PRR29: variants seen among roughly 807,000 people sequenced by gnomAD.
PRR29 encodes the protein proline-rich protein 29.
A neutral mutation model predicts 25.1 loss-of-function variants in PRR29; 20 were observed. The ratio of observed to expected loss-of-function variants is 0.80; its 90% confidence interval spans 0.56 to 1.16. The LOEUF (loss-of-function observed/expected upper bound fraction) is 1.16, where lower values mean the gene tolerates loss of function less well. PRR29 is among the 50% of genes most tolerant of loss of function. The pLI, the probability that PRR29 is intolerant of heterozygous loss-of-function variation, is 0.00. For missense variants in PRR29, 238 were observed against 246.6 expected, an observed-to-expected ratio of 0.97 and a Z score of 0.23; for synonymous variants, 108 against 102.6, an observed-to-expected ratio of 1.05 and a Z score of -0.32.
At chr17:63,999,533 G>A (rs1910431555) in intron 3 of PRR29, 2 of 176,098 alleles carry the variant, frequency 1.1e-5, no homozygotes, top group South Asian at 2.3e-4. Flanking sequence ...ATAGGGTTGG[G>A]GGATGGGGAC....
chr17:64,002,013 G>A lies in PRR29; in HGVS notation c.*252G>A, dbSNP rs905860469. The A allele has an allele frequency of 7.7e-5, 117 of 1,526,882 alleles. No homozygotes were observed. Among genetic ancestry groups the A allele is most frequent in the Non-Finnish European group, 8.9e-5 (102 of 1,140,672 alleles). 94.6% of individuals were successfully genotyped at this position (1,526,882 alleles called of 1,614,324 possible). A position where few individuals can be genotyped will look rare whatever the true frequency, so the allele number is the denominator to read the frequency against. On this transcript the variant is annotated 3_prime_UTR_variant, in exon 6 of 6. Transcript: ENST00000412177. ...GCACCACCCAGGCCCTTGAAGCCAC[G>A]TCAGCCCGCCTCTGCCCCACTGCTT...
chr17:63,998,796 G>GGGCCCCCCCCCCC lies in PRR29; in HGVS notation c.136+14_136+15insGGCCCCCCCCCCC. On this transcript the variant is annotated intron_variant, in intron 2 of 5. Coordinates refer to ENST00000412177, the MANE Select transcript of PRR29 (RefSeq NM_001164257.2). ...GCGTGAAGGAAGGTGAGACTCCCGGGTCCCCCCACCCCACCCCCACCATCA... is the reference window on the plus strand; with the variant it reads ...GCGTGAAGGAAGGTGAGACTCCCGGGGGCCCCCCCCCCCTCCCCCCACCCCACCCCCACCATCA... The GGGCCCCCCCCCCC allele has an allele frequency of 7.4e-7, 1 of 1,345,624 alleles. No homozygotes were observed. Among genetic ancestry groups the GGGCCCCCCCCCCC allele is most frequent in the Non-Finnish European group, 1.0e-6 (1 of 975,994 alleles). 83.4% of individuals were successfully genotyped at this position (1,345,624 alleles called of 1,614,324 possible). A position where few individuals can be genotyped will look rare whatever the true frequency, so the allele number is the denominator to read the frequency against.
At chr17:64,001,439 G>T (rs1347121952) in intron 4 of PRR29, 28 bp from the exon 5 acceptor site, 1 of 1,499,426 alleles carries the variant, frequency 6.7e-7, no homozygotes, top group Non-Finnish European at 8.9e-7. Flanking sequence ...GGCCTCTGAT[G>T]GGGGTCTTTT....
intron 3 of PRR29, 75 bp downstream of exon 3, chr17:63,999,149 G>A (rs3181027): frequency 4.3e-6 from 5 of 1,154,020 alleles, no homozygotes; most frequent in Non-Finnish European, 5.0e-6. Context: ...TTCCTGTTCA[G>A]GGGGGAAAAG....
rs776325283 is a variant in PRR29, at chr17:64,002,696, C to A, written c.*935C>A. ...GGGCTGGACCTCAACCCTGAGGAGT[C>A]ACACTGAGTTCCAGTGACCACCGTG... On this transcript the variant is annotated 3_prime_UTR_variant, in exon 6 of 6. Transcript: ENST00000412177. 1.9e-6 allele frequency: 3 copies of A among 1,541,440 alleles called. No homozygotes were observed. Among genetic ancestry groups the A allele is most frequent in the Non-Finnish European group, 1.8e-6 (2 of 1,128,038 alleles).
rs1266147224 is a variant in PRR29, at chr17:64,000,043, GGCGGAGAGGGGTTCAAGGAATCCA to G, written c.243+971_243+994del. The G allele has an allele frequency of 1.3e-5, 2 of 152,608 alleles. 1 individual carries two copies. Among genetic ancestry groups the G allele is most frequent in the African/African-American group, 4.8e-5 (2 of 41,460 alleles). 9.5% of individuals were successfully genotyped at this position (152,608 alleles called of 1,614,324 possible). On this transcript the variant is annotated intron_variant, in intron 3 of 5. Transcript: ENST00000412177. ...AGAGAATGTTGTTCAGCTCGGAGGA[GGCGGAGAGGGGTTCAAGGAATCCA>G]GACAGAAGGAGACCCTGAGGAGCTA...
chr17:64,004,019 C>T lies in PRR29; in HGVS notation c.*2258C>T. On this transcript the variant is annotated 3_prime_UTR_variant, in exon 6 of 6. Transcript: ENST00000412177. ...CAGGATGGGGGTGCAGTCCCAGCAG[C>T]CTCCCCCTGGCCAGGGCCATCTCCT... The T allele has an allele frequency of 7.3e-7, 1 of 1,373,968 alleles. No individual in the cohort carries two copies. The highest frequency in any genetic ancestry group is 9.9e-7 in the Non-Finnish European group (1 of 1,007,792). The allele number at this position is 1,373,968 out of a possible 1,614,324, so 85.1% of individuals were successfully genotyped here. A position where few individuals can be genotyped will look rare whatever the true frequency, so the allele number is the denominator to read the frequency against.
Position 64,002,081 on chromosome 17 carries a change from C to A in PRR29, c.*320C>A. On this transcript the variant is annotated 3_prime_UTR_variant, in exon 6 of 6. Coordinates refer to ENST00000412177, the MANE Select transcript of PRR29 (RefSeq NM_001164257.2). ...GAGGCCTGGGAACAGAGCCCCCACC[C>A]TCTCTCCCTCACCCCTCTCTCTGGG... 8.0e-7 allele frequency: 1 copy of A among 1,254,056 alleles called. No individual in the cohort carries two copies. The highest frequency in any genetic ancestry group is 1.4e-5 in the South Asian group (1 of 69,826). The allele number at this position is 1,254,056 out of a possible 1,614,324, so 77.7% of individuals were successfully genotyped here.
chr17:64,003,944 G>A lies in PRR29; in HGVS notation c.*2183G>A. ...GCCACCAAAGTGGGTTGCAGTGTCA[G>A]GATGACCTGCCTTGGAGGCTCTGCA... On this transcript the variant is annotated 3_prime_UTR_variant, in exon 6 of 6. Transcript: ENST00000412177. 6.2e-7 allele frequency: 1 copy of A among 1,613,158 alleles called. No individual in the cohort carries two copies. The highest frequency in any genetic ancestry group is 2.2e-5 in the East Asian group (1 of 44,844).
chr17:63,998,804 AC>A, intron 2 of PRR29, 22 bp downstream of exon 2: 2 of 452,748 alleles, frequency 4.4e-6, no homozygotes, highest in Non-Finnish European at 6.6e-6. Flanking sequence ...GGGTCCCCCC[AC>A]CCCACCCCCA....
At position 64,001,986 on chromosome 17, in the gene PRR29, G is replaced by C. The variant is rs1166408900; in HGVS notation, c.*225G>C. ...TGTGCTGTTGTGTAAGAGCTCCCTA[G>C]AGCACCACCCAGGCCCTTGAAGCCA... On this transcript the variant is annotated 3_prime_UTR_variant, in exon 6 of 6. Transcript: ENST00000412177. The C allele has an allele frequency of 6.5e-7, 1 of 1,534,344 alleles. No homozygotes were observed. The highest frequency in any genetic ancestry group is 2.4e-5 in the East Asian group (1 of 40,848).
Position 64,003,795 on chromosome 17 carries a change from A to G in PRR29, c.*2034A>G. ...ATGTGGCTGTGGCCTCCTGCGGAGCAGGGGCTGCCTTCCCGAAGGTCTCAT... is the reference window on the plus strand; with the variant it reads ...ATGTGGCTGTGGCCTCCTGCGGAGCGGGGGCTGCCTTCCCGAAGGTCTCAT... On this transcript the variant is annotated 3_prime_UTR_variant, in exon 6 of 6. Transcript: ENST00000412177. 1.2e-6 allele frequency: 2 copies of G among 1,614,258 alleles called. No individual in the cohort carries two copies. Among genetic ancestry groups the G allele is most frequent in the South Asian group, 1.1e-5 (1 of 91,092 alleles).
chr17:64,001,289 C>T lies in PRR29; in HGVS notation c.449C>T (p.Pro150Leu). Residue 150 changes from proline (P) to leucine (L), a missense_variant, in exon 4 of 6, where the codon CCT becomes CTT. Physicochemically the swap from Pro to Leu is moderately conservative, Grantham distance 98 (BLOSUM62 -3). Transcript: ENST00000412177. ...LQDVPRIQHCPASREREVRAV... is the reference protein window; with the variant it reads ...LQDVPRIQHCLASREREVRAV... ...GACGTGCCCAGGATTCAGCACTGTC[C>T]TGCCTCCAGGGAAAGGGAGGTGTAA... 6.5e-7 allele frequency: 1 copy of T among 1,536,434 alleles called. No homozygotes were observed. Among genetic ancestry groups the T allele is most frequent in the Non-Finnish European group, 8.7e-7 (1 of 1,146,254 alleles).
Position 64,001,810 on chromosome 17 carries a change from A to T in PRR29, c.*49A>T. The T allele has an allele frequency of 6.5e-7, 1 of 1,537,004 alleles. No individual in the cohort carries two copies. The highest frequency in any genetic ancestry group is 8.7e-7 in the Non-Finnish European group (1 of 1,146,844). ...TGCACCAGCTTCCTGCTCTGGATAC[A>T]GCCCCGGAGCCGCCTCCTGCACCTC... On this transcript the variant is annotated 3_prime_UTR_variant, in exon 6 of 6. Coordinates refer to ENST00000412177, the MANE Select transcript of PRR29 (RefSeq NM_001164257.2).
chr17:64,001,080 C>T lies in PRR29; in HGVS notation c.244-4C>T, dbSNP rs1344137652. On this transcript the variant is annotated splice_polypyrimidine_tract_variant and splice_region_variant and intron_variant, in intron 3 of 5. Transcript: ENST00000412177. ...TTCCCCTCCCTGTTTTGCACAATCC[C>T]CAGGTCTACCTGGAGGTTCCACAGG... 2.6e-6 allele frequency: 4 copies of T among 1,536,796 alleles called. No homozygotes were observed. In the African/African-American group the frequency reaches 4.1e-5, roughly 16 times the overall value.
rs1910934730 is a variant in PRR29 at position 64,003,305 on chromosome 17, C to A, written c.*1544C>A. 3.0e-5 allele frequency: 13 copies of A among 440,120 alleles called. No homozygotes were observed. In the South Asian group the frequency reaches 3.4e-4, roughly 12 times the overall value. The allele number at this position is 440,120 out of a possible 1,614,324, so 27.3% of individuals were successfully genotyped here. A position where few individuals can be genotyped will look rare whatever the true frequency, so the allele number is the denominator to read the frequency against. ...GCCAGGCTCCCTGTGTGCCGGCCGT[C>A]CAGGGTCACCAAGCAGCAGAGCTCT... On this transcript the variant is annotated 3_prime_UTR_variant, in exon 6 of 6. Transcript: ENST00000412177.
At position 64,003,299 on chromosome 17, in the gene PRR29, G is replaced by T; in HGVS notation, c.*1538G>T. The T allele has an allele frequency of 2.3e-6, 1 of 425,832 alleles. No homozygotes were observed. Among genetic ancestry groups the T allele is most frequent in the South Asian group, 2.8e-5 (1 of 35,806 alleles). The allele number at this position is 425,832 out of a possible 1,614,324, so 26.4% of individuals were successfully genotyped here. A position where few individuals can be genotyped will look rare whatever the true frequency, so the allele number is the denominator to read the frequency against. On this transcript the variant is annotated 3_prime_UTR_variant, in exon 6 of 6. Transcript: ENST00000412177. ...CTTCATGCCAGGCTCCCTGTGTGCC[G>T]GCCGTCCAGGGTCACCAAGCAGCAG...
In PRR29 at chr17:63,998,397, C is replaced by T. The variant is rs1219055786; in HGVS notation, c.33C>T (p.Arg11=). The change falls in exon 1 of 6, where the codon CGC becomes CGT. Residue 11 remains arginine, a synonymous_variant. Transcript: ENST00000412177. ...CTGGGGCGGGCGGAAGCTGGGGTCG[C>T]TCCCCACCGCAGAGCGCAGTCCCGA... MASGAGGSWG[R]SPPQSAVPTP... 3 of 1,516,632 alleles carry T rather than the reference C, an allele frequency of 2.0e-6. No individual in the cohort carries two copies. Among genetic ancestry groups the T allele is most frequent in the Admixed American group, 2.1e-5 (1 of 48,156 alleles). The allele number at this position is 1,516,632 out of a possible 1,614,324, so 93.9% of individuals were successfully genotyped here. A position where few individuals can be genotyped will look rare whatever the true frequency, so the allele number is the denominator to read the frequency against.
chr17:64,000,839 G>A (rs1349968913), intron 3 of PRR29: 16 of 239,468 alleles, frequency 6.7e-5, no homozygotes, highest in Non-Finnish European at 7.5e-6. Flanking sequence ...TTTTTTTTTT[G>A]GTATTTTTAG....
Sources: allele counts gnomAD v4.1 joint callset, GRCh38; gene constraint gnomAD v4.1.1; transcripts MANE v1.5; gene names NCBI Gene and HGNC (gene_info 2026-07-23, HGNC 2026-07-21).